Variants in KATNAL1 observed in about 807,000 individuals in gnomAD.
KATNAL1 encodes the protein katanin p60 ATPase-containing subunit A-like 1.
KATNAL1 carries 32 observed loss-of-function variants against 55.2 expected under a neutral mutation model. The ratio of observed to expected loss-of-function variants is 0.58; its 90% confidence interval spans 0.44 to 0.78. The LOEUF (loss-of-function observed/expected upper bound fraction) is 0.78. Among genes scored for constraint, KATNAL1 ranks in the 30% least tolerant of loss-of-function variants. The pLI is 0.00. For missense variants in KATNAL1, 466 were observed against 600.9 expected (o/e 0.78, Z 2.35); for synonymous variants, 193 against 193.6 (o/e 1.00, Z 0.02).
At chr13:30,233,292 C>T (rs192297450) in intron 6 of KATNAL1, among the ~76,000 whole-genome samples, 13 of 152,104 alleles carry the variant, frequency 8.5e-5, no homozygotes, top group Admixed American at 5.9e-4. Flanking sequence ...TTAAAATGGG[C>T]AAAAGGTCAA....
At chr13:30,279,740 A>C (rs1881131691) in intron 3 of KATNAL1, among the ~76,000 whole-genome samples, 2 of 152,212 alleles carry the variant, frequency 1.3e-5, no homozygotes, top group Non-Finnish European at 2.9e-5. Context: ...AGTCTCCTCA[A>C]GCAAAAAAGC....
intron 3 of KATNAL1, among the ~76,000 whole-genome samples, chr13:30,271,013 G>A (rs1880313410): frequency 6.6e-6 from 1 of 152,118 alleles, no homozygotes; most frequent in Non-Finnish European, 1.5e-5. Context: ...AGGTGGTCAG[G>A]GTAGGGCTTT....
chr13:30,296,987 A>G (rs1454257217), intron 1 of KATNAL1, among the ~76,000 whole-genome samples: 1 of 151,790 alleles, frequency 6.6e-6, no homozygotes, highest in African/African-American at 2.4e-5. Context: ...AGTATTAGGG[A>G]CAAGAAAAAA....
chr13:30,272,572 C>A (rs542145230), intron 3 of KATNAL1, among the ~76,000 whole-genome samples: 2 of 152,056 alleles, frequency 1.3e-5, no homozygotes, highest in East Asian at 1.9e-4. Flanking sequence ...TTCTGACTTA[C>A]CACTATCTTG....
chr13:30,286,728 T>C lies in KATNAL1; in HGVS notation c.-14-2937A>G, dbSNP rs559933369. Among the ~76,000 whole-genome samples, 3 of 152,282 alleles carry C rather than the reference T, an allele frequency of 2.0e-5. No homozygotes were observed. The South Asian group carries it at 6.2e-4, about 32-fold the overall frequency. ...CCGGAATGGTAGATCCACTGACAGC[T>C]TGCATTATGCATCTGGAAAAGCCAC... is the stretch of plus-strand genomic sequence containing the variant. On this transcript the variant is annotated intron_variant, in intron 1 of 10. Transcript: ENST00000380615.
At chr13:30,217,635 C>A (rs1034202919) in intron 9 of KATNAL1, among the ~76,000 whole-genome samples, 1 of 152,060 alleles carries the variant, frequency 6.6e-6, no homozygotes. Flanking sequence ...TTGAATATAC[C>A]AGGCAGTCCA....
chr13:30,271,186 C>A (rs1296633105), intron 3 of KATNAL1, among the ~76,000 whole-genome samples: 1 of 152,170 alleles, frequency 6.6e-6, no homozygotes, highest in African/African-American at 2.4e-5. Context: ...TCATTTAATT[C>A]TCATAATAAC....
chr13:30,219,267 A>G (rs909916173), intron 9 of KATNAL1, among the ~76,000 whole-genome samples: 1 of 151,916 alleles, frequency 6.6e-6, no homozygotes, highest in African/African-American at 2.4e-5. Context: ...TTATTGTTCA[A>G]TCTCTTCCAG....
In KATNAL1 at chr13:30,207,172, G is replaced by C. The variant is rs138291048; in HGVS notation, c.*1368C>G. ...TGTTATCAAATACAAATTTTTAAAA[G>C]CTTGACCATTAAAGCATAAATTGCC... On this transcript the variant is annotated 3_prime_UTR_variant, in exon 11 of 11. Coordinates refer to ENST00000380615, the MANE Select transcript of KATNAL1 (RefSeq NM_032116.5). 4 of 152,280 alleles carry C rather than the reference G, an allele frequency of 2.6e-5. No individual in the cohort carries two copies. The highest frequency in any genetic ancestry group is 9.6e-5 in the African/African-American group (4 of 41,572). The allele number at this position is 152,280 out of a possible 1,614,324, so 9.4% of individuals were successfully genotyped here.
At chr13:30,292,031 A>T (rs1287756967) in intron 1 of KATNAL1, among the ~76,000 whole-genome samples, 1 of 152,084 alleles carries the variant, frequency 6.6e-6, no homozygotes, top group Non-Finnish European at 1.5e-5. Flanking sequence ...GCGAAACTCC[A>T]TCTCAAAAAA....
chr13:30,250,290 A>C (rs1878175803), intron 4 of KATNAL1, among the ~76,000 whole-genome samples: 1 of 152,234 alleles, frequency 6.6e-6, no homozygotes, highest in African/African-American at 2.4e-5. Flanking sequence ...CTGTTGTTAC[A>C]CTGTAAATAG....
intron 8 of KATNAL1, among the ~76,000 whole-genome samples, chr13:30,228,204 A>T (rs1363537182): frequency 6.6e-6 from 1 of 152,240 alleles, no homozygotes; most frequent in Non-Finnish European, 1.5e-5. Context: ...CACACAACAG[A>T]AACTTTAGAA....
rs758242158 is a variant in KATNAL1 at position 30,240,968 on chromosome 13, C to T, written c.611G>A (p.Ser204Asn). 1.9e-6 allele frequency: 3 copies of T among 1,612,312 alleles called. No homozygotes were observed. The South Asian group carries it at 3.3e-5, about 18-fold the overall frequency. ...LERDIVSRNP[S>N]IHWDDIADLE... ...TTTGAAAGACTCTAACCAATGAATG[C>T]TAGGATTCCTGGATACAATGTCTCT... is the stretch of plus-strand genomic sequence containing the variant. Residue 204 changes from serine (S) to asparagine (N), a missense_variant, in exon 5 of 11, where the codon AGC becomes AAC. By Grantham distance (46) the Ser-to-Asn change is conservative (BLOSUM62 1). Around this residue, in one of 3 missense-constraint regions of KATNAL1, gnomAD observed 248 missense variants for 275.5 expected, o/e 0.90. Transcript: ENST00000380615.
intron 3 of KATNAL1, among the ~76,000 whole-genome samples, chr13:30,277,286 A>C (rs1262586194): frequency 1.3e-5 from 2 of 152,222 alleles, no homozygotes; most frequent in African/African-American, 4.8e-5. Context: ...AATTTTAATT[A>C]CTTATTACAT....
intron 3 of KATNAL1, among the ~76,000 whole-genome samples, chr13:30,276,516 CAAA>C (rs35974864): frequency 7.1e-5 from 7 of 99,084 alleles, no homozygotes; most frequent in Admixed American, 1.1e-4. Flanking sequence ...TGAGAGATGG[CAAA>C]AAAAAAAAAA....
intron 3 of KATNAL1, among the ~76,000 whole-genome samples, chr13:30,276,629 C>A (rs1217309556): frequency 1.3e-5 from 2 of 151,830 alleles, no homozygotes; most frequent in Admixed American, 1.3e-4. Context: ...TTTTAGTTAC[C>A]TTTAAAATAT....
intron 1 of KATNAL1, among the ~76,000 whole-genome samples, chr13:30,303,421 G>A (rs1593194206): frequency 6.6e-6 from 1 of 152,202 alleles, no homozygotes; most frequent in East Asian, 1.9e-4. Context: ...ATAATGTTGA[G>A]CCGGGTGTGG....
intron 9 of KATNAL1, among the ~76,000 whole-genome samples, chr13:30,212,684 A>T (rs1693458762): frequency 6.6e-6 from 1 of 152,260 alleles, no homozygotes; most frequent in Non-Finnish European, 1.5e-5. Flanking sequence ...CATTCTTACC[A>T]CTATACATGT....
At chr13:30,303,818 C>T (rs1242507441) in intron 1 of KATNAL1, among the ~76,000 whole-genome samples, 1 of 152,144 alleles carries the variant, frequency 6.6e-6, no homozygotes, top group African/African-American at 2.4e-5. Flanking sequence ...TTAACGGAAG[C>T]TTCATTTTAA....
Sources: allele counts gnomAD v4.1 joint callset (sites outside exome capture counted in the v4.1 genomes callset), GRCh38; gene constraint gnomAD v4.1.1; regional missense constraint gnomAD v4.1.1; transcripts MANE v1.5; gene names NCBI Gene and HGNC (gene_info 2026-07-23, HGNC 2026-07-21).